CKMT2: variants seen among roughly 807,000 people sequenced by gnomAD.
CKMT2 encodes creatine kinase S-type, mitochondrial.
A neutral mutation model predicts 48.9 loss-of-function variants in CKMT2; 43 were observed. The ratio of observed to expected loss-of-function variants is 0.88; its 90% CI spans 0.69 to 1.13. The LOEUF is 1.13. CKMT2 is among the 50% of genes most tolerant of loss of function. CKMT2 has a pLI of 0.00. For missense variants in CKMT2, 472 were observed against 555.4 expected (o/e 0.85, Z 1.51); for synonymous variants, 206 against 213.0 (o/e 0.97, Z 0.29).
chr5:81,252,895 T>A lies in CKMT2; in HGVS notation c.351+2T>A, dbSNP rs777611301. 1 of 1,614,010 alleles carries A rather than the reference T, an allele frequency of 6.2e-7. No individual in the cohort carries two copies. Among genetic ancestry groups the A allele is most frequent in the Non-Finnish European group, 8.5e-7 (1 of 1,179,972 alleles). On this transcript the variant is annotated splice_donor_variant, in intron 3 of 9. Transcript: ENST00000254035. LOFTEE classifies it high-confidence loss of function. ...GCTGGTGACGAGGAGTCCTATGAGG[T>A]AAAACTATTGGCTGCTGGTTCCAGG... is the stretch of plus-strand genomic sequence containing the variant.
intron 6 of CKMT2, 56 bp downstream of exon 6, chr5:81,257,056 A>G: frequency 7.0e-7 from 1 of 1,424,316 alleles, no homozygotes; most frequent in Admixed American, 1.8e-5. Flanking sequence ...TTTTGAGATC[A>G]CCTGCTTATC....
intron 1 of CKMT2, chr5:81,245,039 G>A (rs1307070555): frequency 6.6e-6 from 1 of 152,126 alleles, no homozygotes; most frequent in Non-Finnish European, 1.5e-5. Flanking sequence ...TTTTAGTAGA[G>A]ACAGGGTTTC....
In CKMT2 at chr5:81,251,127, G is replaced by A. The variant is rs1580444868; in HGVS notation, c.-6G>A. On this transcript the variant is annotated 5_prime_UTR_variant, in exon 2 of 10. Transcript: ENST00000254035. ...TTGCTTTCCAGACACTCATCCAAGA[G>A]GAAGGATGGCCAGTATCTTTTCTAA... The A allele has an allele frequency of 1.2e-6, 2 of 1,613,552 alleles. No homozygotes were observed. The highest frequency in any genetic ancestry group is 1.7e-6 in the Non-Finnish European group (2 of 1,179,662).
At chr5:81,258,111 A>C (rs1757080160) in intron 7 of CKMT2, among the ~76,000 whole-genome samples, 1 of 152,116 alleles carries the variant, frequency 6.6e-6, no homozygotes, top group Non-Finnish European at 1.5e-5. Context: ...TGTTGGCCAG[A>C]CTAGCCTCGA....
chr5:81,237,132 G>C (rs1756269303), intron 1 of CKMT2, among the ~76,000 whole-genome samples: 1 of 152,238 alleles, frequency 6.6e-6, no homozygotes, highest in Non-Finnish European at 1.5e-5. Context: ...CTGGGTGACA[G>C]AGCGAGACTC....
At chr5:81,233,783 T>C (rs1476001239) in intron 1 of CKMT2, among the ~76,000 whole-genome samples, 1 of 152,168 alleles carries the variant, frequency 6.6e-6, no homozygotes, top group East Asian at 1.9e-4. Flanking sequence ...GGGAATGTTT[T>C]TCCCCAGCAG....
chr5:81,236,681 T>C (rs1001419805), intron 1 of CKMT2, among the ~76,000 whole-genome samples: 22 of 152,168 alleles, frequency 1.4e-4, no homozygotes, highest in African/African-American at 5.1e-4. Flanking sequence ...TGTTCAGTGA[T>C]GCCAGGAAGT....
At chr5:81,244,353 T>G in intron 1 of CKMT2, 1 of 217,718 alleles carries the variant, frequency 4.6e-6, no homozygotes, top group Non-Finnish European at 7.8e-6. Flanking sequence ...CCTTTCTACC[T>G]GTCTGCCTTG....
intron 8 of CKMT2, among the ~76,000 whole-genome samples, chr5:81,259,982 T>C (rs1580456237): frequency 6.6e-6 from 1 of 151,922 alleles, no homozygotes; most frequent in South Asian, 2.1e-4. Flanking sequence ...AGTAAAACAC[T>C]CCTCAGCAAA....
intron 4 of CKMT2, chr5:81,254,714 A>C: frequency 1.7e-6 from 1 of 594,980 alleles, no homozygotes; most frequent in East Asian, 2.8e-5. Flanking sequence ...GGTCATTGGG[A>C]ACTTTAAACC....
At position 81,257,762 on chromosome 5, in the gene CKMT2, G is replaced by A. The variant is rs568207226; in HGVS notation, c.785G>A (p.Trp262Ter). The change falls in exon 7 of 10, where the codon TGG becomes TAG. Residue 262 changes from tryptophan (W) to a stop codon, truncating the protein, a stop_gained. Transcript: ENST00000254035. LOFTEE classifies it high-confidence loss of function. Reference protein sequence around the residue: ...WHNYDKTFLIWINEEDHTRVI... With the variant: ...WHNYDKTFLI ...AATTATGATAAGACATTTCTCATCT[G>A]GATAAATGAGGAGGATCACACCAGG... is the stretch of plus-strand genomic sequence containing the variant. 1.6e-5 allele frequency: 26 copies of A among 1,610,128 alleles called. No individual in the cohort carries two copies. In the African/African-American group the frequency reaches 2.4e-4, roughly 15 times the overall value.
Position 81,255,190 on chromosome 5 carries a change from G to A in CKMT2, c.645G>A (p.Glu215=), listed in dbSNP as rs1220746915. The part of the protein sequence containing the change: ...GRYYKLSEMT[E]QDQQRLIDDH... ...ACTACAAGCTGTCCGAGATGACGGA[G>A]CAGGACCAGCAGCGGCTCATCGATG... Residue 215 remains glutamate (E), a synonymous_variant, in exon 5 of 10, where the codon GAG becomes GAA. Coordinates refer to ENST00000254035, the MANE Select transcript of CKMT2 (RefSeq NM_001099735.2). The A allele has an allele frequency of 3.7e-6, 6 of 1,614,060 alleles. No individual in the cohort carries two copies. The highest frequency in any genetic ancestry group is 5.1e-6 in the Non-Finnish European group (6 of 1,180,002).
intron 7 of CKMT2, 108 bp from the exon 8 acceptor site, chr5:81,259,012 C>T (rs772375298): frequency 9.6e-7 from 1 of 1,044,964 alleles, no homozygotes; most frequent in Non-Finnish European, 1.4e-6. Flanking sequence ...ACCTTAATTT[C>T]ATTCATGCCA....
At chr5:81,246,504 G>A (rs887156504) in intron 1 of CKMT2, among the ~76,000 whole-genome samples, 1 of 152,048 alleles carries the variant, frequency 6.6e-6, no homozygotes, top group Non-Finnish European at 1.5e-5. Flanking sequence ...CCCCACCTAC[G>A]ATGATTTTGT....
intron 1 of CKMT2, chr5:81,244,131 G>C: frequency 6.1e-6 from 6 of 985,450 alleles, no homozygotes; most frequent in Non-Finnish European, 7.2e-6. Context: ...CGGTGACTGG[G>C]AAGTTTTCTG....
chr5:81,247,541 G>A (rs1004685384), intron 1 of CKMT2, among the ~76,000 whole-genome samples: 2 of 152,182 alleles, frequency 1.3e-5, no homozygotes, highest in Non-Finnish European at 2.9e-5. Flanking sequence ...ACTGCGCAGC[G>A]TTTTAAAGAC....
At chr5:81,236,449 C>CT (rs2112776329) in intron 1 of CKMT2, among the ~76,000 whole-genome samples, 1 of 152,300 alleles carries the variant, frequency 6.6e-6, no homozygotes, top group African/African-American at 2.4e-5. Flanking sequence ...TCTTGAGCCT[C>CT]TGTTTCCCCA....
intron 2 of CKMT2, 102 bp from the exon 3 acceptor site, chr5:81,252,593 G>A: frequency 8.3e-7 from 1 of 1,208,012 alleles, no homozygotes. Context: ...GTGCCCACTG[G>A]CTGAAGGGAG....
At chr5:81,255,263 G>T in intron 5 of CKMT2, 49 bp downstream of exon 5, 2 of 1,542,408 alleles carry the variant, frequency 1.3e-6, no homozygotes, top group South Asian at 2.3e-5. Context: ...CAAGGGCTCT[G>T]ACCCGCACAG....
Sources: allele counts gnomAD v4.1 joint callset (sites outside exome capture counted in the v4.1 genomes callset), GRCh38; gene constraint gnomAD v4.1.1; transcripts MANE v1.5; gene names NCBI Gene and HGNC (gene_info 2026-07-23, HGNC 2026-07-21).